Variants in KATNIP observed in about 807,000 individuals in gnomAD.
KATNIP encodes katanin interacting protein.
A neutral mutation model predicts 174.0 loss-of-function variants in KATNIP; 126 were observed. The ratio of observed to expected loss-of-function variants is 0.72; its 90% CI spans 0.63 to 0.84. The LOEUF is 0.84. Among genes scored for constraint, KATNIP ranks in the 40% least tolerant of loss-of-function variants. The pLI, the probability that KATNIP is intolerant of heterozygous loss-of-function variation, is 0.00. For synonymous variants in KATNIP, 810 were observed against 835.7 expected (o/e 0.97, Z 0.53); for missense variants, 1,958 against 2,109.7 (o/e 0.93, Z 1.41).
intron 12 of KATNIP, among the ~76,000 whole-genome samples, chr16:27,704,570 T>C (rs1348883739): frequency 6.6e-6 from 1 of 152,224 alleles, no homozygotes; most frequent in African/African-American, 2.4e-5. Context: ...ATGTCTGTTA[T>C]AGAATTATTG....
At chr16:27,703,778 A>G in intron 11 of KATNIP, 118 bp from the exon 12 acceptor site, 1 of 772,058 alleles carries the variant, frequency 1.3e-6, no homozygotes, top group Non-Finnish European at 2.3e-6. Flanking sequence ...CTGGATACAG[A>G]GTGCATACTT....
chr16:27,709,057 A>G (rs750964646), intron 13 of KATNIP, 137 bp downstream of exon 13: 17 of 648,368 alleles, frequency 2.6e-5, no homozygotes, highest in Non-Finnish European at 4.4e-5. Context: ...AGAGGCTCAC[A>G]CCTGTAATCC....
intron 3 of KATNIP, among the ~76,000 whole-genome samples, chr16:27,622,472 G>A (rs751003605): frequency 9.2e-5 from 14 of 152,218 alleles, no homozygotes; most frequent in African/African-American, 2.9e-4. Context: ...AAGGGCAGGC[G>A]GAGTGATCAA....
At chr16:27,565,008 C>T (rs1057186949) in intron 1 of KATNIP, among the ~76,000 whole-genome samples, 1 of 151,644 alleles carries the variant, frequency 6.6e-6, no homozygotes, top group East Asian at 2.0e-4. Flanking sequence ...AGGTGTTCCG[C>T]CTGCCTCGGC....
At position 27,771,571 on chromosome 16, in the gene KATNIP, G is replaced by T; in HGVS notation, c.4134-17G>T. Reference sequence around the variant, plus strand: ...CCGTCGTGAGCTTCTTCATGGTGCTGTTTTGTGCTTTTTCAGGCTGGACAT... The same window carrying T: ...CCGTCGTGAGCTTCTTCATGGTGCTTTTTTGTGCTTTTTCAGGCTGGACAT... On this transcript the variant is annotated splice_polypyrimidine_tract_variant and intron_variant, in intron 21 of 27. Coordinates refer to ENST00000261588, the MANE Select transcript of KATNIP (RefSeq NM_015202.5). 1 of 1,612,310 alleles carries T rather than the reference G, an allele frequency of 6.2e-7. No homozygotes were observed. Among genetic ancestry groups the T allele is most frequent in the Non-Finnish European group, 8.5e-7 (1 of 1,178,974 alleles).
intron 2 of KATNIP, among the ~76,000 whole-genome samples, chr16:27,617,753 T>G (rs946157971): frequency 6.6e-6 from 1 of 152,158 alleles, no homozygotes. Context: ...CTCCCCTTTT[T>G]GTTCTTTGAG....
intron 14 of KATNIP, among the ~76,000 whole-genome samples, chr16:27,723,371 C>G (rs1332668865): frequency 6.6e-6 from 1 of 151,978 alleles, no homozygotes; most frequent in African/African-American, 2.4e-5. Context: ...TCCCTTTATC[C>G]CTGTCCCCCC....
chr16:27,554,714 G>A (rs1009731268), intron 1 of KATNIP, among the ~76,000 whole-genome samples: 7 of 150,828 alleles, frequency 4.6e-5, no homozygotes, highest in African/African-American at 1.7e-4. Flanking sequence ...ATTCTCAGAA[G>A]TGTTTACCCT....
intron 2 of KATNIP, among the ~76,000 whole-genome samples, chr16:27,586,134 T>C (rs79692253): frequency 0.022 from 3,397 of 152,100 alleles, 78 homozygotes; most frequent in East Asian, 0.099. Flanking sequence ...AAGAATATAC[T>C]TGGGTTGTTT....
At position 27,703,910 on chromosome 16, in the gene KATNIP, T is replaced by C; in HGVS notation, c.1301T>C (p.Leu434Pro). 6.2e-7 allele frequency: 1 copy of C among 1,614,190 alleles called. No homozygotes were observed. Among genetic ancestry groups the C allele is most frequent in the Non-Finnish European group, 8.5e-7 (1 of 1,179,984 alleles). The change falls in exon 12 of 28, where the codon CTT becomes CCT. Residue 434 changes from leucine to proline, a missense_variant. Physicochemically the swap from Leu to Pro is moderately conservative, Grantham distance 98. This residue lies in a region of KATNIP where 1,557 missense variants were observed against 1,617.8 expected (regional missense o/e 0.96). Coordinates refer to ENST00000261588, the MANE Select transcript of KATNIP (RefSeq NM_015202.5). ...GLLGSRQQQK[L>P]LKVLQAVESD... ...TCCCATTTCAGACAACAGCAGAAGCTTCTGAAAGTCCTCCAGGCCGTCGAA... is the reference window on the plus strand; with the variant it reads ...TCCCATTTCAGACAACAGCAGAAGCCTCTGAAAGTCCTCCAGGCCGTCGAA...
Position 27,777,125 on chromosome 16 carries a change from T to C in KATNIP, c.4551+96T>C. The C allele has an allele frequency of 1.2e-6, 1 of 835,518 alleles. No individual in the cohort carries two copies. Among genetic ancestry groups the C allele is most frequent in the Non-Finnish European group, 2.0e-6 (1 of 490,476 alleles). The allele number at this position is 835,518 out of a possible 1,614,324, so 51.8% of individuals were successfully genotyped here. On this transcript the variant is annotated intron_variant, in intron 25 of 27. Transcript: ENST00000261588. The surrounding 1 kb of genome is among the most constrained non-coding windows in gnomAD (Gnocchi z 4.4). ...TTTGTCGCAGTTTGATTTACTTCTC[T>C]CTGTTGCAACCCTCAACACAAATGC...
chr16:27,568,327 A>C (rs1239681491), intron 1 of KATNIP, among the ~76,000 whole-genome samples: 1 of 152,240 alleles, frequency 6.6e-6, no homozygotes, highest in African/African-American at 2.4e-5. Flanking sequence ...AAATACCTTG[A>C]GCATATGTTT....
At chr16:27,612,745 C>A (rs961757281) in intron 2 of KATNIP, among the ~76,000 whole-genome samples, 1 of 151,060 alleles carries the variant, frequency 6.6e-6, no homozygotes, top group Non-Finnish European at 1.5e-5. Flanking sequence ...GGCAAGAGAA[C>A]AAGACTCCTT....
At chr16:27,634,387 A>C (rs978671022) in intron 5 of KATNIP, among the ~76,000 whole-genome samples, 1 of 152,296 alleles carries the variant, frequency 6.6e-6, no homozygotes, top group Middle Eastern at 3.4e-3. Context: ...GGCTAGCATG[A>C]GGAGGGGACT....
At chr16:27,766,224 T>C (rs2144109386) in intron 19 of KATNIP, 85 bp from the exon 20 acceptor site, 1 of 1,466,318 alleles carries the variant, frequency 6.8e-7, no homozygotes, top group Non-Finnish European at 9.4e-7. Context: ...GGGACGTACT[T>C]GGGGCCGAGG....
intron 14 of KATNIP, among the ~76,000 whole-genome samples, chr16:27,735,474 G>A (rs779481662): frequency 1.4e-4 from 22 of 152,224 alleles, no homozygotes; most frequent in Non-Finnish European, 2.8e-4. Flanking sequence ...TAATTTTGCA[G>A]AACCAGTCAT....
intron 17 of KATNIP, among the ~76,000 whole-genome samples, chr16:27,753,383 G>A (rs1018616811): frequency 1.3e-5 from 2 of 152,200 alleles, no homozygotes; most frequent in South Asian, 2.1e-4. Flanking sequence ...TTTGCCCAGC[G>A]TTTTCCAAAT....
At position 27,780,284 on chromosome 16, in the gene KATNIP, A is replaced by G. The variant is rs770755148; in HGVS notation, c.*1655A>G. ...TATGTACTGTGCAATTTAGGAGGGGAAAAAAAGGCTGTACAAGCTTTAACT... is the reference window on the plus strand; with the variant it reads ...TATGTACTGTGCAATTTAGGAGGGGGAAAAAAGGCTGTACAAGCTTTAACT... On this transcript the variant is annotated 3_prime_UTR_variant, in exon 28 of 28. Coordinates refer to ENST00000261588, the MANE Select transcript of KATNIP (RefSeq NM_015202.5). 3 of 152,174 alleles carry G rather than the reference A, an allele frequency of 2.0e-5. No individual in the cohort carries two copies. Among genetic ancestry groups the G allele is most frequent in the East Asian group, 1.9e-4 (1 of 5,206 alleles). 9.4% of individuals were successfully genotyped at this position (152,174 alleles called of 1,614,324 possible).
chr16:27,619,520 G>A (rs1300831917), intron 3 of KATNIP, among the ~76,000 whole-genome samples: 1 of 152,146 alleles, frequency 6.6e-6, no homozygotes, highest in Non-Finnish European at 1.5e-5. Flanking sequence ...GTAGGGAGGT[G>A]TCATCCTGCA....
Sources: gnomAD v4.1 joint callset for allele counts (sites outside exome capture counted in the v4.1 genomes callset) on GRCh38, gnomAD v4.1.1 for gene constraint, gnomAD v4.1.1 regional missense constraint, Gnocchi (gnomAD v3.1) non-coding constraint, MANE v1.5 for transcripts, NCBI Gene and HGNC (gene_info 2026-07-23, HGNC 2026-07-21) for gene names.